ANGPT1: variants seen among roughly 807,000 people sequenced by gnomAD.
The protein encoded by ANGPT1 is angiopoietin 1, also known as angiopoietin-1.
Under a neutral mutation model 62.2 loss-of-function variants are expected in ANGPT1, and 17 were observed. That is an observed-to-expected ratio of 0.27 (90% CI 0.19 to 0.41). The LOEUF (loss-of-function observed/expected upper bound fraction) is 0.41. Ranked by LOEUF, ANGPT1 falls within the 10% of genes least tolerant of loss-of-function variation. ANGPT1 has a pLI of 1.00. For missense variants in ANGPT1, 478 were observed against 594.9 expected, an observed-to-expected ratio of 0.80 and a Z score of 2.04; for synonymous variants, 199 against 198.9, an observed-to-expected ratio of 1.00 and a Z score of 0.00.
At chr8:107,453,134 T>C (rs1333460156) in intron 1 of ANGPT1, among the ~76,000 whole-genome samples, 1 of 152,086 alleles carries the variant, frequency 6.6e-6, no homozygotes, top group African/African-American at 2.4e-5. Flanking sequence ...CACACAATGC[T>C]AACATAAACA....
intron 4 of ANGPT1, among the ~76,000 whole-genome samples, chr8:107,307,677 T>C (rs961438941): frequency 6.6e-6 from 1 of 152,160 alleles, no homozygotes; most frequent in Non-Finnish European, 1.5e-5. Context: ...ACCTACCATA[T>C]AGATGTTCAC....
In ANGPT1 at chr8:107,486,583, T is replaced by C. The variant is rs889547590; in HGVS notation, c.297+10679A>G. Among the ~76,000 whole-genome samples the C allele has an allele frequency of 2.6e-5, 4 of 152,330 alleles. No individual in the cohort carries two copies. The South Asian group carries it at 8.3e-4, about 32-fold the overall frequency. On this transcript the variant is annotated intron_variant, in intron 1 of 8. Transcript: ENST00000517746. ...AACACCTACTAGGTGACAGGACTTA[T>C]GCAAAGTAATTTATGTGTATTATGC...
chr8:107,473,426 T>G (rs1812416485), intron 1 of ANGPT1, among the ~76,000 whole-genome samples: 1 of 151,954 alleles, frequency 6.6e-6, no homozygotes, highest in Non-Finnish European at 1.5e-5. Flanking sequence ...AATGACCCAA[T>G]TGAAAACACA....
At chr8:107,367,740 C>A (rs1215130856) in intron 1 of ANGPT1, among the ~76,000 whole-genome samples, 2 of 152,094 alleles carry the variant, frequency 1.3e-5, no homozygotes, top group African/African-American at 2.4e-5. Context: ...GGTTGTTGAC[C>A]AAGAGTAGAT....
At chr8:107,253,158 G>A (rs897591584) in intron 8 of ANGPT1, among the ~76,000 whole-genome samples, 5 of 152,128 alleles carry the variant, frequency 3.3e-5, no homozygotes, top group Non-Finnish European at 5.9e-5. Context: ...GTTCATAGTG[G>A]GGAACCACAA....
In ANGPT1 at chr8:107,422,471, C is replaced by T. The variant is rs191100888; in HGVS notation, c.297+74791G>A. On this transcript the variant is annotated intron_variant, in intron 1 of 8. Coordinates refer to ENST00000517746, the MANE Select transcript of ANGPT1 (RefSeq NM_001146.5). Reference sequence around the variant, plus strand: ...AACACCTTTTACAAAAGAATAAATACATTTCTGGGACCCATGATACTTACC... The same window carrying T: ...AACACCTTTTACAAAAGAATAAATATATTTCTGGGACCCATGATACTTACC... Among the ~76,000 whole-genome samples the T allele has an allele frequency of 7.7e-3, 1,174 of 152,280 alleles. 7 individuals are homozygous for T. The highest frequency in any genetic ancestry group is 0.012 in the Non-Finnish European group (793 of 68,026).
intron 4 of ANGPT1, among the ~76,000 whole-genome samples, chr8:107,320,909 G>A (rs1186474369): frequency 6.6e-6 from 1 of 152,092 alleles, no homozygotes; most frequent in Non-Finnish European, 1.5e-5. Context: ...CTCCCCATGT[G>A]TACATTGCAT....
At chr8:107,272,062 A>C (rs1289670915) in intron 7 of ANGPT1, among the ~76,000 whole-genome samples, 2 of 151,986 alleles carry the variant, frequency 1.3e-5, no homozygotes, top group African/African-American at 4.8e-5. Flanking sequence ...GAATCACCAG[A>C]ATTTGTGCAT....
At chr8:107,309,836 G>GTGTGCA (rs1407190098) in intron 4 of ANGPT1, among the ~76,000 whole-genome samples, 1 of 152,108 alleles carries the variant, frequency 6.6e-6, no homozygotes, top group Non-Finnish European at 1.5e-5. Context: ...TTATATGTGT[G>GTGTGCA]TGTGCATGTG....
chr8:107,391,254 C>A (rs1283703), intron 1 of ANGPT1, among the ~76,000 whole-genome samples: 1 of 152,152 alleles, frequency 6.6e-6, no homozygotes, highest in Non-Finnish European at 1.5e-5. Context: ...CAAGTTTCTC[C>A]GAAAATGTGA....
intron 7 of ANGPT1, among the ~76,000 whole-genome samples, chr8:107,281,769 A>C (rs1332798613): frequency 6.6e-6 from 1 of 152,148 alleles, no homozygotes; most frequent in South Asian, 2.1e-4. Flanking sequence ...TAAGAGTGAG[A>C]CTCCGTCTCA....
At chr8:107,355,964 T>TG (rs1156438241) in intron 1 of ANGPT1, among the ~76,000 whole-genome samples, 2 of 152,204 alleles carry the variant, frequency 1.3e-5, no homozygotes, top group African/African-American at 4.8e-5. Flanking sequence ...TGGCACATAG[T>TG]GGGGTCTCAA....
intron 1 of ANGPT1, among the ~76,000 whole-genome samples, chr8:107,366,941 C>G (rs889720899): frequency 6.6e-6 from 1 of 151,976 alleles, no homozygotes; most frequent in Admixed American, 6.6e-5. Flanking sequence ...CTGTAAGAAA[C>G]CTTATGGTGG....
chr8:107,492,958 T>C (rs1419835999), intron 1 of ANGPT1, among the ~76,000 whole-genome samples: 1 of 150,420 alleles, frequency 6.6e-6, no homozygotes, highest in Non-Finnish European at 1.5e-5. Context: ...CTTGTGCTTA[T>C]AGAAGTACAA....
chr8:107,264,029 C>T (rs867546896), intron 8 of ANGPT1, among the ~76,000 whole-genome samples, 192 bp downstream of exon 8: 11 of 152,186 alleles, frequency 7.2e-5, no homozygotes, highest in Middle Eastern at 3.4e-3. Flanking sequence ...TGGGGGAGGA[C>T]GCAAACCTCT....
chr8:107,409,048 A>G (rs923869957), intron 1 of ANGPT1, among the ~76,000 whole-genome samples: 1 of 148,994 alleles, frequency 6.7e-6, no homozygotes, highest in Non-Finnish European at 1.5e-5. Context: ...TAAAGTAAAA[A>G]TGATCATAGA....
At chr8:107,334,804 A>G (rs11781621) in intron 3 of ANGPT1, among the ~76,000 whole-genome samples, 29,716 of 152,068 alleles carry the variant, frequency 0.2, 3,273 homozygotes, top group East Asian at 0.34. Flanking sequence ...AAATTGCAGG[A>G]GAATAAATGG....
chr8:107,370,128 C>T (rs538002454), intron 1 of ANGPT1, among the ~76,000 whole-genome samples: 1 of 135,938 alleles, frequency 7.4e-6, no homozygotes, highest in Non-Finnish European at 1.5e-5. Context: ...CAGAGCAAGA[C>T]CCTGTCAAAA....
chr8:107,364,645 A>G (rs1445242337), intron 1 of ANGPT1, among the ~76,000 whole-genome samples: 2 of 152,188 alleles, frequency 1.3e-5, no homozygotes, highest in African/African-American at 4.8e-5. Flanking sequence ...CACACCAGAG[A>G]ATCCATTCTT....
Sources: gnomAD v4.1 joint callset for allele counts (sites outside exome capture counted in the v4.1 genomes callset) on GRCh38, gnomAD v4.1.1 for gene constraint, MANE v1.5 for transcripts, NCBI Gene and HGNC (gene_info 2026-07-23, HGNC 2026-07-21) for gene names.